PLXNA4: variants seen among roughly 807,000 people sequenced by gnomAD.
PLXNA4 encodes plexin A4, also known as plexin-A4.
PLXNA4 carries 44 observed loss-of-function variants against 191.8 expected under a neutral mutation model. The observed-to-expected ratio is 0.23, with a 90% confidence interval of 0.18 to 0.29. The LOEUF is 0.29. Among genes scored for constraint, PLXNA4 ranks in the 10% least tolerant of loss-of-function variants. The pLI is 1.00. For synonymous variants in PLXNA4, 1,082 were observed against 1,009.5 expected, an observed-to-expected ratio of 1.07 and a Z score of -1.36; for missense variants, 1,800 against 2,488.8, an observed-to-expected ratio of 0.72 and a Z score of 5.89.
chr7:132,563,732 TCCTCCTCCTCTC>T (rs1801517657), intron 1 of PLXNA4, among the ~76,000 whole-genome samples: 1 of 108,056 alleles, frequency 9.3e-6, no homozygotes, highest in African/African-American at 3.6e-5. Context: ...CTCTTCCTCT[TCCTCCTCCTCTC>T]CCTCCTCCTT....
chr7:132,240,770 G>T (rs140920892), intron 5 of PLXNA4, among the ~76,000 whole-genome samples: 1 of 152,272 alleles, frequency 6.6e-6, no homozygotes, highest in Non-Finnish European at 1.5e-5. Flanking sequence ...CAGGAATCCT[G>T]CTTCCTCCAG....
At chr7:132,154,788 C>A (rs973597481) in intron 25 of PLXNA4, among the ~76,000 whole-genome samples, 5 of 152,228 alleles carry the variant, frequency 3.3e-5, no homozygotes, top group African/African-American at 1.2e-4. Flanking sequence ...GAGAAAATTG[C>A]TAGCTCTGAC....
intron 4 of PLXNA4, among the ~76,000 whole-genome samples, chr7:132,258,060 G>A (rs757350590): frequency 9.2e-5 from 14 of 152,224 alleles, no homozygotes; most frequent in Admixed American, 1.3e-4. Flanking sequence ...GCTCCACCCC[G>A]TAGGGCCCAT....
intron 4 of PLXNA4, among the ~76,000 whole-genome samples, chr7:132,294,908 C>T (rs568324561): frequency 1.3e-5 from 2 of 152,262 alleles, no homozygotes; most frequent in East Asian, 1.9e-4. Context: ...GGGAGAGAGG[C>T]CTCAGAAAAA....
chr7:132,130,387 C>T lies in PLXNA4; in HGVS notation c.*92G>A, dbSNP rs1794891768. On this transcript the variant is annotated 3_prime_UTR_variant, in exon 32 of 32. Transcript: ENST00000321063. The stretch of plus-strand genomic sequence containing the variant: ...CGCTGCTCAGGGGATGCTGCTGATG[C>T]CAGTCGGAACTTGCACTTGGTAAAG... 7.0e-6 allele frequency: 11 copies of T among 1,569,952 alleles called. No homozygotes were observed. The Admixed American group carries it at 1.9e-4, about 27-fold the overall frequency.
intron 4 of PLXNA4, among the ~76,000 whole-genome samples, chr7:132,264,714 T>C (rs1189343736): frequency 2.0e-5 from 3 of 151,612 alleles, no homozygotes; most frequent in Non-Finnish European, 4.4e-5. Flanking sequence ...TTTTTCTTTT[T>C]GTAGACAGAG....
At chr7:132,444,643 C>T (rs1795826308) in intron 3 of PLXNA4, among the ~76,000 whole-genome samples, 1 of 152,144 alleles carries the variant, frequency 6.6e-6, no homozygotes, top group Non-Finnish European at 1.5e-5. Context: ...TAACCCCAGG[C>T]AGCCTGGTGC....
At chr7:132,251,147 G>A (rs1253859365) in intron 4 of PLXNA4, among the ~76,000 whole-genome samples, 1 of 148,084 alleles carries the variant, frequency 6.8e-6, no homozygotes, top group Non-Finnish European at 1.5e-5. Context: ...TAATACATAA[G>A]TTAAAAACTT....
intron 2 of PLXNA4, among the ~76,000 whole-genome samples, chr7:132,632,386 T>C (rs758524794): frequency 5.9e-5 from 9 of 152,228 alleles, no homozygotes; most frequent in Admixed American, 3.9e-4. Context: ...ATTAACTCAT[T>C]TGATCCTCAC....
At chr7:132,370,144 A>C (rs1366300110) in intron 3 of PLXNA4, among the ~76,000 whole-genome samples, 1 of 151,826 alleles carries the variant, frequency 6.6e-6, no homozygotes, top group East Asian at 1.9e-4. Context: ...GAACTCCAGC[A>C]TTTAATGCAG....
intron 3 of PLXNA4, among the ~76,000 whole-genome samples, chr7:132,303,507 T>A (rs532966858): frequency 3.6e-4 from 54 of 152,052 alleles, no homozygotes; most frequent in Non-Finnish European, 6.6e-4. Flanking sequence ...AGGCGGAGGT[T>A]GCAGTCAGCC....
At position 132,178,748 on chromosome 7, in the gene PLXNA4, TACACAC is replaced by T. The variant is rs55690930; in HGVS notation, c.3874+933_3874+938del. On this transcript the variant is annotated intron_variant, in intron 20 of 31. Coordinates refer to ENST00000321063, the MANE Select transcript of PLXNA4 (RefSeq NM_020911.2). Reference sequence around the variant, plus strand: ...CACACACACTTGTAAATGAAACACATACACACACACACACACACACACACACAGCCT... The same window carrying T: ...CACACACACTTGTAAATGAAACACATACACACACACACACACACACAGCCT... 9.4e-4 allele frequency among the ~76,000 whole-genome samples: 97 copies of T among 103,254 alleles called. 5 individuals are homozygous for T. Among genetic ancestry groups the T allele is most frequent in the South Asian group, 5.0e-3 (15 of 2,972 alleles). 67.7% of individuals were successfully genotyped at this position (103,254 alleles called of 152,430 possible).
At chr7:132,347,518 G>A (rs758947323) in intron 3 of PLXNA4, among the ~76,000 whole-genome samples, 1 of 152,174 alleles carries the variant, frequency 6.6e-6, no homozygotes, top group African/African-American at 2.4e-5. Flanking sequence ...CCAAATCAAC[G>A]CCAGCTCAAT....
At chr7:132,528,484 G>T (rs1307982878) in intron 1 of PLXNA4, among the ~76,000 whole-genome samples, 1 of 152,238 alleles carries the variant, frequency 6.6e-6, no homozygotes, top group African/African-American at 2.4e-5. Context: ...ACCAACAGCT[G>T]TGATTGGATT....
At chr7:132,577,832 G>A (rs1412195041), upstream of PLXNA4, among the ~76,000 whole-genome samples, 6 of 152,088 alleles carry the variant, frequency 3.9e-5, no homozygotes, top group Admixed American at 3.9e-4. Context: ...TACACCCATT[G>A]CTAGTCAGAA....
At chr7:132,553,594 T>C (rs778941134) in intron 1 of PLXNA4, among the ~76,000 whole-genome samples, 1 of 152,164 alleles carries the variant, frequency 6.6e-6, no homozygotes, top group Non-Finnish European at 1.5e-5. Flanking sequence ...CACCAGTCCA[T>C]ATCTTACTCC....
At chr7:132,250,683 A>G (rs116232671) in intron 4 of PLXNA4, among the ~76,000 whole-genome samples, 3,724 of 152,260 alleles carry the variant, frequency 0.024, 155 homozygotes, top group African/African-American at 0.084. Context: ...CCCCTCCAAC[A>G]TGGAGGCCCA....
chr7:132,395,623 T>C (rs970951187), intron 3 of PLXNA4, among the ~76,000 whole-genome samples: 1 of 152,204 alleles, frequency 6.6e-6, no homozygotes, highest in African/African-American at 2.4e-5. Flanking sequence ...AGTTAAACCC[T>C]GGCACCCATG....
At chr7:132,217,279 A>G (rs1797993859) in intron 9 of PLXNA4, among the ~76,000 whole-genome samples, 1 of 152,256 alleles carries the variant, frequency 6.6e-6, no homozygotes, top group South Asian at 2.1e-4. Context: ...TGCTTTATAC[A>G]GAGGCTTCAT....
Sources: allele counts gnomAD v4.1 joint callset (sites outside exome capture counted in the v4.1 genomes callset), GRCh38; gene constraint gnomAD v4.1.1; transcripts MANE v1.5; gene names NCBI Gene and HGNC (gene_info 2026-07-23, HGNC 2026-07-21).